LCORL: variants seen among roughly 807,000 people sequenced by gnomAD.
LCORL encodes ligand dependent nuclear receptor corepressor like, also known as ligand-dependent nuclear receptor corepressor-like protein.
LCORL carries 41 observed loss-of-function variants against 141.8 expected under a neutral mutation model. That is an observed-to-expected ratio of 0.29 (90% CI 0.23 to 0.38). The LOEUF is 0.38. LCORL is among the 10% of genes least tolerant of loss of function. The pLI is 1.00. For missense variants in LCORL, 1,759 were observed against 2,035.0 expected, an observed-to-expected ratio of 0.86 and a Z score of 2.61; for synonymous variants, 618 against 694.1, an observed-to-expected ratio of 0.89 and a Z score of 1.72.
chr4:17,900,375 T>C, intron 5 of LCORL, among the ~76,000 whole-genome samples: 1 of 152,186 alleles, frequency 6.6e-6, no homozygotes. Context: ...CCCTGAGTTT[T>C]GATATTGTGT....
chr4:17,988,054 G>A (rs1719317478), intron 1 of LCORL, among the ~76,000 whole-genome samples: 1 of 152,032 alleles, frequency 6.6e-6, no homozygotes, highest in Admixed American at 6.6e-5. Context: ...TATAGGGGCG[G>A]GTCTTTCCAA....
chr4:17,911,772 TGGC>T (rs1163539854), intron 4 of LCORL: 379 of 459,004 alleles, frequency 8.3e-4, no homozygotes, highest in Non-Finnish European at 1.4e-3. Flanking sequence ...GCAGCGTGGC[TGGC>T]GTCTATGCAG....
chr4:18,017,353 C>A (rs1201712168), intron 1 of LCORL, among the ~76,000 whole-genome samples: 2 of 151,966 alleles, frequency 1.3e-5, no homozygotes, highest in East Asian at 3.8e-4. Context: ...TACTGTTCCC[C>A]AAAATAATTT....
intron 7 of LCORL, among the ~76,000 whole-genome samples, chr4:17,859,129 C>T (rs1037694937): frequency 1.3e-5 from 2 of 152,008 alleles, no homozygotes; most frequent in Non-Finnish European, 2.9e-5. Flanking sequence ...TTTTGTTTTT[C>T]AATGTCAGTA....
chr4:17,843,705 C>CTCTT (rs1315600776), exon 8 of LCORL: 1 of 216,750 alleles, frequency 4.6e-6, no homozygotes, highest in Non-Finnish European at 9.3e-6. Context: ...TTCTTATGAA[C>CTCTT]TCTTTATGTT....
chr4:17,877,744 G>T, exon 7 of LCORL: 1 of 1,230,632 alleles, frequency 8.1e-7, no homozygotes, highest in Non-Finnish European at 1.0e-6. Flanking sequence ...GACAAAAGAG[G>T]ACTACGAAAG....
chr4:17,842,185 T>TAGGAG, exon 8 of LCORL: 1 of 714,704 alleles, frequency 1.4e-6, no homozygotes, highest in Non-Finnish European at 2.4e-6. Context: ...CTAGAACAAG[T>TAGGAG]AGGAGATACA....
chr4:17,885,508 A>T (rs4698656), intron 6 of LCORL, among the ~76,000 whole-genome samples: 66,256 of 138,724 alleles, frequency 0.48, 16,948 homozygotes, highest in Non-Finnish European at 0.59. Flanking sequence ...AAAAAGTTGT[A>T]AAAAAAAATC....
chr4:17,970,758 A>G (rs1350956758), intron 2 of LCORL, among the ~76,000 whole-genome samples: 2 of 152,228 alleles, frequency 1.3e-5, no homozygotes, highest in African/African-American at 4.8e-5. Flanking sequence ...TGAAAACCTC[A>G]TGGGAAAGAC....
rs141254366 is a variant in LCORL, at chr4:18,011,516, C to T, written c.154+10082G>A. Among the ~76,000 whole-genome samples the T allele has an allele frequency of 4.0e-4, 61 of 151,736 alleles. 2 individuals carry two copies. The East Asian group carries it at 0.011, about 28-fold the overall frequency. On this transcript the variant is annotated intron_variant, in intron 1 of 7. Coordinates refer to ENST00000635767, the Ensembl canonical transcript of LCORL. Reference sequence around the variant, plus strand: ...ATACTTCCAGTCCTACTTTCTGCTGCTAACCTATAAACCAATGGCACTGTA... The same window carrying T: ...ATACTTCCAGTCCTACTTTCTGCTGTTAACCTATAAACCAATGGCACTGTA...
chr4:17,965,129 C>A (rs1384657822), intron 2 of LCORL, among the ~76,000 whole-genome samples: 1 of 152,028 alleles, frequency 6.6e-6, no homozygotes, highest in Non-Finnish European at 1.5e-5. Context: ...AATGTTTACA[C>A]AGTCAAATAA....
At chr4:17,908,375 C>A (rs1731996567) in intron 5 of LCORL, among the ~76,000 whole-genome samples, 1 of 152,176 alleles carries the variant, frequency 6.6e-6, no homozygotes, top group Admixed American at 6.5e-5. Context: ...AACATCACTG[C>A]CTTCTGGAAT....
At chr4:17,903,705 T>C (rs1364889260) in intron 5 of LCORL, among the ~76,000 whole-genome samples, 1 of 151,910 alleles carries the variant, frequency 6.6e-6, no homozygotes, top group African/African-American at 2.4e-5. Flanking sequence ...GAAAGTACAA[T>C]GGAGAGGAAA....
intron 1 of LCORL, among the ~76,000 whole-genome samples, chr4:18,015,466 G>A (rs1242993833): frequency 1.3e-5 from 2 of 152,066 alleles, no homozygotes; most frequent in Admixed American, 6.5e-5. Flanking sequence ...TCATCAATAT[G>A]CCTATTTTAC....
chr4:17,842,871 C>G (rs1237474246), exon 8 of LCORL: 1 of 164,444 alleles, frequency 6.1e-6, no homozygotes, highest in Non-Finnish European at 1.3e-5. Context: ...TAGTTTTACA[C>G]TGTTGATTAA....
At chr4:17,866,929 T>C (rs1450544861) in intron 7 of LCORL, 3 of 950,356 alleles carry the variant, frequency 3.2e-6, no homozygotes, top group Non-Finnish European at 2.5e-6. Context: ...GTGTGAGGCA[T>C]TGAAACCAAT....
chr4:17,993,667 GC>G (rs1720428557), intron 1 of LCORL, among the ~76,000 whole-genome samples: 1 of 152,188 alleles, frequency 6.6e-6, no homozygotes, highest in South Asian at 2.1e-4. Flanking sequence ...TATCCTGAAA[GC>G]CAAATGAACC....
At chr4:17,891,657 A>C (rs898600182) in intron 5 of LCORL, among the ~76,000 whole-genome samples, 1 of 152,214 alleles carries the variant, frequency 6.6e-6, no homozygotes, top group Non-Finnish European at 1.5e-5. Context: ...TCTGATATAC[A>C]GATGATGTAA....
At position 18,017,965 on chromosome 4, in the gene LCORL, T is replaced by C. The variant is rs145242720; in HGVS notation, c.154+3633A>G. Among the ~76,000 whole-genome samples, 34 of 152,168 alleles carry C rather than the reference T, an allele frequency of 2.2e-4. No individual in the cohort carries two copies. In the East Asian group the frequency reaches 6.0e-3, roughly 27 times the overall value. Reference sequence around the variant, plus strand: ...ACTCTCAAACTGTTCTGAAAAAATATAGAGAGATCAGTATAAAGCAAGAAT... The same window carrying C: ...ACTCTCAAACTGTTCTGAAAAAATACAGAGAGATCAGTATAAAGCAAGAAT... On this transcript the variant is annotated intron_variant, in intron 1 of 7. Coordinates refer to ENST00000635767, the Ensembl canonical transcript of LCORL.
Sources: gnomAD v4.1 joint callset for allele counts (sites outside exome capture counted in the v4.1 genomes callset) on GRCh38, gnomAD v4.1.1 for gene constraint, MANE v1.5 for transcripts, NCBI Gene and HGNC (gene_info 2026-07-23, HGNC 2026-07-21) for gene names.